HUNK: variants seen among roughly 807,000 people sequenced by gnomAD.
HUNK encodes hormonally up-regulated neu tumor-associated kinase.
A neutral mutation model predicts 61.0 loss-of-function variants in HUNK; 21 were observed. The ratio of observed to expected loss-of-function variants is 0.34; its 90% CI spans 0.24 to 0.50. The LOEUF (loss-of-function observed/expected upper bound fraction) is 0.50, where lower values mean the gene tolerates loss of function less well. Ranked by LOEUF, HUNK falls within the 20% of genes least tolerant of loss-of-function variation. The probability of loss-of-function intolerance (pLI) is 0.98; values close to 1 mark genes in which losing one functional copy is unlikely to be tolerated. For missense variants in HUNK, 772 were observed against 945.7 expected (o/e 0.82, Z 2.41); for synonymous variants, 371 against 386.1 (o/e 0.96, Z 0.46).
intron 5 of HUNK, among the ~76,000 whole-genome samples, chr21:31,960,657 AG>A (rs2052921447): frequency 6.6e-6 from 1 of 152,198 alleles, no homozygotes; most frequent in Admixed American, 6.5e-5. Context: ...AGATGGTGGC[AG>A]GGAAGAGCGC....
chr21:31,965,364 A>T (rs2052956951), intron 5 of HUNK, among the ~76,000 whole-genome samples: 1 of 151,864 alleles, frequency 6.6e-6, no homozygotes, highest in Non-Finnish European at 1.5e-5. Context: ...CAGGATTAGT[A>T]CCTGGGTGAT....
intron 5 of HUNK, among the ~76,000 whole-genome samples, chr21:31,964,464 G>A (rs910120171): frequency 3.9e-5 from 6 of 152,206 alleles, no homozygotes; most frequent in Admixed American, 2.0e-4. Flanking sequence ...AAGAAAGTGG[G>A]GTTTGCGATG....
chr21:31,971,279 C>T (rs922677855), intron 6 of HUNK, among the ~76,000 whole-genome samples: 1 of 151,968 alleles, frequency 6.6e-6, no homozygotes, highest in Admixed American at 6.6e-5. Context: ...ACCATGTTGC[C>T]CAGGCTGGTC....
chr21:31,953,024 CTAATTCTA>C (rs2052862342), intron 4 of HUNK, among the ~76,000 whole-genome samples: 1 of 152,142 alleles, frequency 6.6e-6, no homozygotes, highest in Non-Finnish European at 1.5e-5. Flanking sequence ...GAAACTCCTA[CTAATTCTA>C]TGGGATTACA....
Position 31,924,537 on chromosome 21 carries a change from G to A in HUNK, c.331G>A (p.Glu111Lys), listed in dbSNP as rs1221939866. The A allele has an allele frequency of 3.1e-6, 5 of 1,614,088 alleles. No homozygotes were observed. The African/African-American group carries it at 4.0e-5, about 13-fold the overall frequency. The change falls in exon 2 of 11, where the codon GAG (glutamate) becomes AAG (lysine). Residue 111 changes from glutamate to lysine, a missense_variant. By Grantham distance (56) the Glu-to-Lys change is moderately conservative. Transcript: ENST00000270112. This position sits in a 1 kb window ranked among gnomAD's most constrained non-coding sequence, Gnocchi z 5.1. Reference protein sequence around the residue: ...DTYVTKNLRREGQIQQMIRHP... With the variant: ...DTYVTKNLRRKGQIQQMIRHP... ...CTATGTCACCAAAAACCTGCGGCGAGAGGGTCAGATCCAGCAGATGATCCG... is the reference window on the plus strand; with the variant it reads ...CTATGTCACCAAAAACCTGCGGCGAAAGGGTCAGATCCAGCAGATGATCCG...
At chr21:31,942,164 C>T (rs1007966669) in intron 3 of HUNK, among the ~76,000 whole-genome samples, 4 of 152,326 alleles carry the variant, frequency 2.6e-5, no homozygotes, top group African/African-American at 9.6e-5. Context: ...GAGCCAAGAT[C>T]GTGACACTGC....
intron 2 of HUNK, among the ~76,000 whole-genome samples, chr21:31,931,803 C>T (rs2052698401): frequency 6.6e-6 from 1 of 152,146 alleles, no homozygotes; most frequent in Non-Finnish European, 1.5e-5. Context: ...GAGTTCCTGC[C>T]CCTCAGCCTA....
chr21:31,933,246 C>T (rs1186243110), intron 2 of HUNK, among the ~76,000 whole-genome samples: 1 of 152,062 alleles, frequency 6.6e-6, no homozygotes, highest in Non-Finnish European at 1.5e-5. Context: ...TGAGCCACAC[C>T]CCTTTGTTGC....
chr21:31,982,811 T>C (rs879941925), intron 7 of HUNK, among the ~76,000 whole-genome samples: 72 of 152,212 alleles, frequency 4.7e-4, no homozygotes, highest in Non-Finnish European at 8.4e-4. Context: ...TTTTTATTTT[T>C]ATTTTTTTGA....
chr21:31,948,924 G>T (rs1479382215), intron 4 of HUNK, among the ~76,000 whole-genome samples: 1 of 152,190 alleles, frequency 6.6e-6, no homozygotes, highest in Admixed American at 6.5e-5. Flanking sequence ...TGGAACCCTG[G>T]CTAAGAGGAC....
chr21:31,994,198 T>C (rs2053188482), intron 9 of HUNK, among the ~76,000 whole-genome samples: 1 of 152,204 alleles, frequency 6.6e-6, no homozygotes, highest in African/African-American at 2.4e-5. Flanking sequence ...TTGAGGAAGC[T>C]TTGCCTCTCC....
intron 4 of HUNK, among the ~76,000 whole-genome samples, chr21:31,948,638 G>A (rs2123833487): frequency 6.6e-6 from 1 of 152,228 alleles, no homozygotes; most frequent in South Asian, 2.1e-4. Context: ...AGAGAGGAAG[G>A]AGAAAGGAAA....
intron 4 of HUNK, among the ~76,000 whole-genome samples, chr21:31,947,888 C>T (rs1310176774): frequency 6.6e-6 from 1 of 152,092 alleles, no homozygotes; most frequent in Non-Finnish European, 1.5e-5. Flanking sequence ...GTGTGTTGAT[C>T]CGGAGTATTT....
intron 1 of HUNK, among the ~76,000 whole-genome samples, chr21:31,920,135 T>C (rs1189491264): frequency 6.6e-6 from 1 of 152,194 alleles, no homozygotes; most frequent in African/African-American, 2.4e-5. Context: ...CTCACCCCAA[T>C]GTCTGCCTCC....
intron 4 of HUNK, among the ~76,000 whole-genome samples, chr21:31,955,069 G>C (rs7275454): frequency 0.43 from 64,580 of 151,824 alleles, 14,037 homozygotes; most frequent in Non-Finnish European, 0.46. Flanking sequence ...TTACAGGTGT[G>C]AGCCATTGCG....
rs903782723 is a variant in HUNK at position 31,893,506 on chromosome 21, G to A, written c.261+19571G>A. ...TGGTCTCCTATAGTCATGTTTCGGGGTGGTTGGTGTGTCTTGAGCCCCAAC... is the reference window on the plus strand; with the variant it reads ...TGGTCTCCTATAGTCATGTTTCGGGATGGTTGGTGTGTCTTGAGCCCCAAC... On this transcript the variant is annotated intron_variant, in intron 1 of 10. Transcript: ENST00000270112. Among the ~76,000 whole-genome samples, 10 of 152,068 alleles carry A rather than the reference G, an allele frequency of 6.6e-5. 1 individual carries two copies. The highest frequency in any genetic ancestry group is 6.5e-4 in the Admixed American group (10 of 15,270).
Position 31,969,059 on chromosome 21 carries a change from G to C in HUNK, c.1010+674G>C, listed in dbSNP as rs191305945. On this transcript the variant is annotated intron_variant, in intron 6 of 10. Transcript: ENST00000270112. ...ACACCAGGCTAATTTTGTATTTTTA[G>C]TAGAGACGGGGTTTCACCTCTTGCC... Among the ~76,000 whole-genome samples, 50 of 151,958 alleles carry C rather than the reference G, an allele frequency of 3.3e-4. 2 individuals carry two copies. Among genetic ancestry groups the C allele is most frequent in the African/African-American group, 1.2e-3 (48 of 41,456 alleles).
At chr21:31,893,709 C>T (rs181818421) in intron 1 of HUNK, among the ~76,000 whole-genome samples, 74 of 152,288 alleles carry the variant, frequency 4.9e-4, no homozygotes, top group Middle Eastern at 6.8e-3. Context: ...TGATTCTACA[C>T]GAGTTACCAG....
chr21:31,981,858 CTTAT>C (rs2053099872), intron 7 of HUNK, among the ~76,000 whole-genome samples: 1 of 141,716 alleles, frequency 7.1e-6, no homozygotes, highest in Non-Finnish European at 1.6e-5. Context: ...TATTTATTTA[CTTAT>C]TTATTTAGTT....
Sources: allele counts gnomAD v4.1 joint callset (sites outside exome capture counted in the v4.1 genomes callset), GRCh38; gene constraint gnomAD v4.1.1; non-coding constraint Gnocchi (gnomAD v3.1); transcripts MANE v1.5; gene names NCBI Gene and HGNC (gene_info 2026-07-23, HGNC 2026-07-21).